RGS22: variants seen among roughly 807,000 people sequenced by gnomAD.
RGS22 encodes the protein regulator of G protein signaling 22, also known as regulator of G-protein signaling 22.
A neutral mutation model predicts 172.9 loss-of-function variants in RGS22; 148 were observed. That is an observed-to-expected ratio of 0.86 (90% CI 0.75 to 0.98). RGS22 has a LOEUF of 0.98. Ranked by LOEUF, RGS22 falls within the 50% of genes least tolerant of loss-of-function variation. The pLI, the probability that RGS22 is intolerant of heterozygous loss-of-function variation, is 0.00. For synonymous variants in RGS22, 458 were observed against 480.2 expected (o/e 0.95, Z 0.60); for missense variants, 1,347 against 1,440.8 (o/e 0.93, Z 1.05).
intron 14 of RGS22, among the ~76,000 whole-genome samples, chr8:100,028,423 C>T (rs1191939865): frequency 7.9e-6 from 1 of 126,142 alleles, no homozygotes; most frequent in Non-Finnish European, 1.6e-5. Context: ...ACCAGAAAAG[C>T]AAGCTTCTTT....
At chr8:100,068,315 T>C (rs1334767776) in intron 6 of RGS22, among the ~76,000 whole-genome samples, 1 of 151,840 alleles carries the variant, frequency 6.6e-6, no homozygotes, top group Admixed American at 6.6e-5. Flanking sequence ...GCCAGGGAGG[T>C]TGAAGCTGCA....
chr8:100,037,836 T>C (rs1363953037), intron 14 of RGS22, among the ~76,000 whole-genome samples: 2 of 152,094 alleles, frequency 1.3e-5, no homozygotes, highest in African/African-American at 2.4e-5. Flanking sequence ...GTCTCAGAAA[T>C]GGTGCTAGTA....
chr8:100,098,303 TAA>T (rs1407721678), intron 2 of RGS22, among the ~76,000 whole-genome samples: 1 of 152,120 alleles, frequency 6.6e-6, no homozygotes, highest in Non-Finnish European at 1.5e-5. Flanking sequence ...ACATGAAACC[TAA>T]AGAGAAAAGA....
At chr8:100,086,636 T>C (rs1425350248) in intron 3 of RGS22, among the ~76,000 whole-genome samples, 2 of 151,984 alleles carry the variant, frequency 1.3e-5, no homozygotes, top group Non-Finnish European at 2.9e-5. Context: ...GGATCATTCA[T>C]ATCCTAAGGC....
chr8:100,086,584 G>A (rs1812177025), intron 3 of RGS22, among the ~76,000 whole-genome samples: 1 of 151,906 alleles, frequency 6.6e-6, no homozygotes, highest in South Asian at 2.1e-4. Flanking sequence ...TGGAGATAAG[G>A]GCTGAAAAAC....
chr8:99,998,214 C>T (rs776076134), intron 19 of RGS22, among the ~76,000 whole-genome samples: 1 of 152,232 alleles, frequency 6.6e-6, no homozygotes, highest in Non-Finnish European at 1.5e-5. Context: ...AAAATAACAA[C>T]TATATTAATA....
chr8:100,023,169 C>T (rs751084221), intron 14 of RGS22, among the ~76,000 whole-genome samples: 5 of 152,096 alleles, frequency 3.3e-5, no homozygotes, highest in Non-Finnish European at 7.3e-5. Flanking sequence ...GAAAATCAAC[C>T]ATCATTAAGG....
At chr8:100,061,166 C>T (rs1283864843) in intron 9 of RGS22, among the ~76,000 whole-genome samples, 1 of 151,434 alleles carries the variant, frequency 6.6e-6, no homozygotes, top group Non-Finnish European at 1.5e-5. Flanking sequence ...ACAATTAACA[C>T]AAAAAGACTT....
chr8:100,031,062 C>T (rs1242015177), intron 14 of RGS22, among the ~76,000 whole-genome samples: 9 of 152,058 alleles, frequency 5.9e-5, no homozygotes, highest in East Asian at 3.9e-4. Flanking sequence ...CACAGATTTC[C>T]GTATACATGT....
At chr8:99,990,791 C>CA (rs1813634876) in intron 20 of RGS22, among the ~76,000 whole-genome samples, 3 of 152,316 alleles carry the variant, frequency 2.0e-5, no homozygotes, top group Admixed American at 1.3e-4. Flanking sequence ...TGAGAACGGA[C>CA]AGACTGCCTC....
At chr8:100,043,558 G>C (rs1037877616) in intron 11 of RGS22, among the ~76,000 whole-genome samples, 12 of 151,982 alleles carry the variant, frequency 7.9e-5, no homozygotes, top group African/African-American at 2.9e-4. Flanking sequence ...GGTGGATCAC[G>C]TGAGGTCAGG....
rs554513949 is a variant in RGS22, at chr8:99,975,124, C to T, written c.3519+2793G>A. 1.1e-4 allele frequency among the ~76,000 whole-genome samples: 16 copies of T among 150,080 alleles called. No homozygotes were observed. In the South Asian group the frequency reaches 3.4e-3, roughly 32 times the overall value. On this transcript the variant is annotated intron_variant, in intron 23 of 27. Coordinates refer to ENST00000360863, the MANE Select transcript of RGS22 (RefSeq NM_015668.5). ...TCACGCCATGGCAGTCTAGCCTGGG[C>T]GACAGAGTGAGACTCCATCTCAAAA...
chr8:99,997,571 G>A (rs1172201379), intron 19 of RGS22, among the ~76,000 whole-genome samples: 1 of 152,124 alleles, frequency 6.6e-6, no homozygotes, highest in Non-Finnish European at 1.5e-5. Flanking sequence ...TTCCAAATAA[G>A]TAGGCCACAA....
In RGS22 at chr8:100,002,276, T is replaced by G; in HGVS notation, c.2716A>C (p.Ile906Leu). Residue 906 changes from isoleucine (I) to leucine (L), a missense_variant, in exon 18 of 28, where the codon ATT becomes CTT. By Grantham distance (5) the Ile-to-Leu change is conservative. Coordinates refer to ENST00000360863, the MANE Select transcript of RGS22 (RefSeq NM_015668.5). ...TTTTTATTAAGGTATTTGTTTTTAA[T>G]GTATATAGATTTTGCCTTCCTTTGA... Reference protein sequence around the residue: ...RNQRKAKSIYIKNKYLNKKYF... With the variant: ...RNQRKAKSIYLKNKYLNKKYF... 1 of 1,611,494 alleles carries G rather than the reference T, an allele frequency of 6.2e-7. No individual in the cohort carries two copies. The highest frequency in any genetic ancestry group is 8.5e-7 in the Non-Finnish European group (1 of 1,178,836).
intron 14 of RGS22, among the ~76,000 whole-genome samples, chr8:100,017,335 T>C (rs1271120999): frequency 1.3e-5 from 2 of 152,108 alleles, no homozygotes; most frequent in Non-Finnish European, 2.9e-5. Context: ...TGTGAGGTCA[T>C]CCAATCCATG....
chr8:100,061,638 C>G (rs1382031843), intron 9 of RGS22, among the ~76,000 whole-genome samples: 1 of 152,004 alleles, frequency 6.6e-6, no homozygotes, highest in Non-Finnish European at 1.5e-5. Context: ...AGTAAAAAGT[C>G]AAAAAATAAC....
At chr8:100,044,234 T>G (rs1820467368) in intron 11 of RGS22, among the ~76,000 whole-genome samples, 2 of 152,120 alleles carry the variant, frequency 1.3e-5, no homozygotes, top group South Asian at 4.2e-4. Flanking sequence ...TTCTGCTCAT[T>G]CTGGTTTTTT....
chr8:100,073,235 G>T (rs1811110743), intron 4 of RGS22, among the ~76,000 whole-genome samples: 1 of 152,036 alleles, frequency 6.6e-6, no homozygotes, highest in Non-Finnish European at 1.5e-5. Flanking sequence ...CTATGATATT[G>T]CATAAGAGTT....
chr8:99,963,049 T>G, intron 24 of RGS22, 71 bp from the exon 25 acceptor site: 2 of 1,215,924 alleles, frequency 1.6e-6, no homozygotes, highest in Non-Finnish European at 2.3e-6. Context: ...ATAAGATGTC[T>G]TCTATCAGCC....
Sources: gnomAD v4.1 joint callset for allele counts (sites outside exome capture counted in the v4.1 genomes callset) on GRCh38, gnomAD v4.1.1 for gene constraint, MANE v1.5 for transcripts, NCBI Gene and HGNC (gene_info 2026-07-23, HGNC 2026-07-21) for gene names.